The following USP28 variants were observed in gnomAD, a reference collection of about 807,000 sequenced individuals.
The protein encoded by USP28 is ubiquitin specific peptidase 28, also known as ubiquitin carboxyl-terminal hydrolase 28.
Under a neutral mutation model 145.0 loss-of-function variants are expected in USP28, and 113 were observed. That is an observed-to-expected ratio of 0.78 (90% CI 0.67 to 0.91). The LOEUF (loss-of-function observed/expected upper bound fraction) is 0.91. USP28 is among the 40% of genes least tolerant of loss of function. The pLI is 0.00. For missense variants in USP28, 1,201 were observed against 1,289.6 expected, an observed-to-expected ratio of 0.93 and a Z score of 1.05; for synonymous variants, 447 against 450.9, an observed-to-expected ratio of 0.99 and a Z score of 0.11.
chr11:113,814,042 C>T (rs1281431044), intron 14 of USP28, 87 bp from the exon 15 acceptor site: 7 of 959,398 alleles, frequency 7.3e-6, no homozygotes, highest in Non-Finnish European at 1.1e-5. Context: ...AAGAATATTG[C>T]TAGGGTCCTA....
At chr11:113,809,312 G>GA in intron 16 of USP28, 58 bp from the exon 17 acceptor site, 1 of 1,512,742 alleles carries the variant, frequency 6.6e-7, no homozygotes, top group Non-Finnish European at 9.0e-7. Context: ...ATCCTTTTTA[G>GA]AAAAGAAGAA....
At chr11:113,818,213 GCT>G in intron 12 of USP28, 1 of 157,350 alleles carries the variant, frequency 6.4e-6, no homozygotes, top group Non-Finnish European at 1.4e-5. Context: ...GTGCAGTGGC[GCT>G]ATCTTGGCTC....
chr11:113,872,813 A>T (rs1330092278), intron 1 of USP28, among the ~76,000 whole-genome samples: 1 of 152,264 alleles, frequency 6.6e-6, no homozygotes, highest in Non-Finnish European at 1.5e-5. Flanking sequence ...AGAATTGATT[A>T]AAATACAGGA....
At chr11:113,852,708 T>G in intron 2 of USP28, 75 bp from the exon 3 acceptor site, 2 of 1,525,264 alleles carry the variant, frequency 1.3e-6, no homozygotes, top group Admixed American at 3.6e-5. Flanking sequence ...ATTAACTTTA[T>G]TACCCTGGTG....
At chr11:113,838,145 C>T (rs865926734) in intron 5 of USP28, among the ~76,000 whole-genome samples, 1 of 152,212 alleles carries the variant, frequency 6.6e-6, no homozygotes, top group Non-Finnish European at 1.5e-5. Flanking sequence ...GTCCCAGAAG[C>T]CTTACTCAGC....
chr11:113,826,937 A>G (rs895024855), intron 11 of USP28, among the ~76,000 whole-genome samples: 2 of 151,714 alleles, frequency 1.3e-5, no homozygotes, highest in African/African-American at 4.8e-5. Context: ...AAAAAAAACA[A>G]AAATTCTATA....
chr11:113,809,338 C>T, intron 16 of USP28, 84 bp from the exon 17 acceptor site: 1 of 1,312,248 alleles, frequency 7.6e-7, no homozygotes, highest in Non-Finnish European at 1.1e-6. Flanking sequence ...GGTATTTCAT[C>T]TTTATCTTAC....
At chr11:113,814,043 T>C in intron 14 of USP28, 88 bp from the exon 15 acceptor site, 2 of 960,860 alleles carry the variant, frequency 2.1e-6, no homozygotes, top group Non-Finnish European at 3.1e-6. Context: ...AGAATATTGC[T>C]AGGGTCCTAA....
chr11:113,825,153 T>A (rs1034053186), intron 11 of USP28, among the ~76,000 whole-genome samples: 1 of 152,008 alleles, frequency 6.6e-6, no homozygotes, highest in African/African-American at 2.4e-5. Context: ...GCCATAGTAA[T>A]CAAAACAATA....
chr11:113,813,761 T>C (rs1941329883), intron 15 of USP28, 124 bp downstream of exon 15: 2 of 759,674 alleles, frequency 2.6e-6, no homozygotes, highest in Admixed American at 2.7e-5. Flanking sequence ...TCAATTTATA[T>C]CTTAAGTTTA....
intron 5 of USP28, among the ~76,000 whole-genome samples, chr11:113,834,728 G>A (rs1420499035): frequency 6.6e-6 from 1 of 151,936 alleles, no homozygotes; most frequent in Non-Finnish European, 1.5e-5. Flanking sequence ...AAAAGAAGTA[G>A]TTTATATAAA....
At chr11:113,801,433 A>C (rs908670771) in intron 24 of USP28, 50 bp downstream of exon 25, 4 of 1,442,092 alleles carry the variant, frequency 2.8e-6, no homozygotes, top group Admixed American at 2.0e-5. Flanking sequence ...AGAACACTGA[A>C]ATTTCTACAA....
chr11:113,870,242 G>A (rs1366954641), intron 1 of USP28, among the ~76,000 whole-genome samples: 4 of 151,810 alleles, frequency 2.6e-5, no homozygotes, highest in African/African-American at 9.7e-5. Flanking sequence ...AAAAGTATGA[G>A]GGGGCCAGGT....
chr11:113,859,444 A>G (rs1174270169), intron 1 of USP28: 2 of 152,140 alleles, frequency 1.3e-5, no homozygotes, highest in Non-Finnish European at 2.9e-5. Flanking sequence ...AGTGTTCCAT[A>G]ATTTAAAAAT....
exon 14 of USP28, chr11:113,815,190 A>G: frequency 6.2e-7 from 1 of 1,614,104 alleles, no homozygotes; most frequent in South Asian, 1.1e-5. Context: ...TATCTTGTTC[A>G]ATCTCACTCC....
At chr11:113,859,045 A>T (rs956596328) in intron 1 of USP28, among the ~76,000 whole-genome samples, 2 of 151,656 alleles carry the variant, frequency 1.3e-5, no homozygotes, top group African/African-American at 2.4e-5. Context: ...AACTACTTTA[A>T]TTTTTTTTTC....
At chr11:113,852,914 CATG>C (rs1565473082) in intron 2 of USP28, among the ~76,000 whole-genome samples, 3 of 152,032 alleles carry the variant, frequency 2.0e-5, no homozygotes, top group Non-Finnish European at 4.4e-5. Flanking sequence ...TACTACTACT[CATG>C]ATTTCTCTGA....
chr11:113,839,853 T>C (rs558414274), intron 5 of USP28, among the ~76,000 whole-genome samples: 2 of 152,146 alleles, frequency 1.3e-5, no homozygotes, highest in East Asian at 3.9e-4. Context: ...TGAAACCCCA[T>C]CTCGACTAAA....
intron 16 of USP28, 98 bp downstream of exon 16, chr11:113,812,172 ATAATAG>A (rs1941087539): frequency 1.4e-6 from 1 of 710,104 alleles, no homozygotes; most frequent in Non-Finnish European, 2.2e-6. Flanking sequence ...CTATTATTAT[ATAATAG>A]TAAGTTGTAA....
Sources: allele counts gnomAD v4.1 joint callset (sites outside exome capture counted in the v4.1 genomes callset), GRCh38; gene constraint gnomAD v4.1.1; transcripts MANE v1.5; gene names NCBI Gene and HGNC (gene_info 2026-07-23, HGNC 2026-07-21).